Variants in TMEFF2 observed in about 807,000 individuals in gnomAD.
The protein encoded by TMEFF2 is tomoregulin-2.
A neutral mutation model predicts 53.8 loss-of-function variants in TMEFF2; 28 were observed. The observed-to-expected ratio is 0.52, with a 90% confidence interval of 0.39 to 0.71. The LOEUF (loss-of-function observed/expected upper bound fraction) is 0.71. Ranked by LOEUF, TMEFF2 falls within the 30% of genes least tolerant of loss-of-function variation. The pLI is 0.00. For synonymous variants in TMEFF2, 162 were observed against 166.3 expected, an observed-to-expected ratio of 0.97 and a Z score of 0.20; for missense variants, 353 against 455.2, an observed-to-expected ratio of 0.78 and a Z score of 2.04.
intron 9 of TMEFF2, among the ~76,000 whole-genome samples, chr2:191,950,711 G>GTCATGGGCCCATTTTA (rs1223247904): frequency 1.3e-5 from 2 of 152,096 alleles, no homozygotes; most frequent in East Asian, 3.9e-4. Context: ...AATCAAGCAA[G>GTCATGGGCCCATTTTA]TCATGGGCCC....
intron 4 of TMEFF2, among the ~76,000 whole-genome samples, chr2:192,095,510 T>G (rs1224210494): frequency 6.6e-6 from 1 of 151,992 alleles, no homozygotes; most frequent in Non-Finnish European, 1.5e-5. Flanking sequence ...TATACAGTTA[T>G]GAGAAAACAC....
intron 4 of TMEFF2, among the ~76,000 whole-genome samples, chr2:192,077,701 TATTTAA>T (rs1250503174): frequency 6.6e-6 from 1 of 152,088 alleles, no homozygotes; most frequent in African/African-American, 2.4e-5. Flanking sequence ...GTATCATGGA[TATTTAA>T]ATTTATGTTT....
chr2:192,158,611 G>C (rs1228744556), intron 4 of TMEFF2, among the ~76,000 whole-genome samples: 1 of 151,924 alleles, frequency 6.6e-6, no homozygotes, highest in Non-Finnish European at 1.5e-5. Context: ...CTATGTTTTT[G>C]TCTCCACTCT....
At chr2:192,117,693 G>A (rs1175161490) in intron 4 of TMEFF2, among the ~76,000 whole-genome samples, 1 of 151,934 alleles carries the variant, frequency 6.6e-6, no homozygotes, top group African/African-American at 2.4e-5. Context: ...CATGGCAGAT[G>A]AAAGGACCTC....
intron 4 of TMEFF2, among the ~76,000 whole-genome samples, chr2:192,176,279 T>G (rs1691041237): frequency 6.6e-6 from 1 of 151,376 alleles, no homozygotes; most frequent in Non-Finnish European, 1.5e-5. Context: ...CAGGTGTGAA[T>G]CTATCCAACA....
At chr2:192,003,217 C>T (rs960280664) in intron 5 of TMEFF2, among the ~76,000 whole-genome samples, 1 of 152,160 alleles carries the variant, frequency 6.6e-6, no homozygotes, top group South Asian at 2.1e-4. Flanking sequence ...CTAAAAGTTA[C>T]TATTACTATG....
intron 4 of TMEFF2, among the ~76,000 whole-genome samples, chr2:192,136,123 CT>C (rs1312729195): frequency 1.3e-5 from 2 of 152,090 alleles, no homozygotes; most frequent in Non-Finnish European, 2.9e-5. Flanking sequence ...AGTATTTTTC[CT>C]TTTTTTCAAA....
chr2:192,081,833 G>A (rs1176846646), intron 4 of TMEFF2, among the ~76,000 whole-genome samples: 1 of 131,564 alleles, frequency 7.6e-6, no homozygotes, highest in Non-Finnish European at 1.5e-5. Context: ...ATGGAGTCTC[G>A]CTCTGTCACC....
intron 5 of TMEFF2, among the ~76,000 whole-genome samples, chr2:192,020,900 T>A (rs1294796649): frequency 6.6e-6 from 1 of 152,184 alleles, no homozygotes; most frequent in Non-Finnish European, 1.5e-5. Flanking sequence ...CATATTGAAT[T>A]GTATGCTAAT....
At chr2:191,988,128 A>G (rs1686022342) in intron 7 of TMEFF2, among the ~76,000 whole-genome samples, 3 of 152,210 alleles carry the variant, frequency 2.0e-5, no homozygotes, top group African/African-American at 7.2e-5. Context: ...ACACATAAGC[A>G]TTAATAGTTG....
chr2:192,194,252 G>T lies in TMEFF2; in HGVS notation c.172+101C>A. The stretch of plus-strand genomic sequence containing the variant: ...GTATTAGGGGTCTAGGGCAGTAGGA[G>T]GTGAGGGGCTGAGGAGGCGCGCTAG... On this transcript the variant is annotated intron_variant, in intron 1 of 9. Transcript: ENST00000272771. This position sits in a 1 kb window ranked among gnomAD's most constrained non-coding sequence, Gnocchi z 4.2. 7.2e-7 allele frequency: 1 copy of T among 1,393,392 alleles called. No individual in the cohort carries two copies. The highest frequency in any genetic ancestry group is 1.0e-6 in the Non-Finnish European group (1 of 1,000,360). 86.3% of individuals were successfully genotyped at this position (1,393,392 alleles called of 1,614,324 possible).
At chr2:192,033,479 C>T (rs1172882875) in intron 5 of TMEFF2, among the ~76,000 whole-genome samples, 3 of 150,878 alleles carry the variant, frequency 2.0e-5, no homozygotes, top group Non-Finnish European at 4.4e-5. Context: ...AGCAGCTCAG[C>T]TCTTAATTAG....
chr2:192,165,356 A>G (rs1337153173), intron 4 of TMEFF2, among the ~76,000 whole-genome samples: 7 of 152,176 alleles, frequency 4.6e-5, no homozygotes, highest in Non-Finnish European at 1.0e-4. Context: ...TCACCCAGAA[A>G]TGGAGGTGAT....
At chr2:192,141,459 GAAA>G (rs397987092) in intron 4 of TMEFF2, among the ~76,000 whole-genome samples, 4 of 107,228 alleles carry the variant, frequency 3.7e-5, no homozygotes, top group Non-Finnish European at 7.2e-5. Context: ...TCTCAAAAAA[GAAA>G]AAAAAAAAAA....
At chr2:192,046,602 T>G (rs1190085110) in intron 5 of TMEFF2, among the ~76,000 whole-genome samples, 1 of 152,178 alleles carries the variant, frequency 6.6e-6, no homozygotes, top group Non-Finnish European at 1.5e-5. Flanking sequence ...GAAAATTTTT[T>G]GCTTCCTATT....
At chr2:191,964,402 T>TTCTC (rs1443188705) in intron 7 of TMEFF2, among the ~76,000 whole-genome samples, 27 of 99,312 alleles carry the variant, frequency 2.7e-4, no homozygotes, top group African/African-American at 1.2e-3. Context: ...TTCTTTCTCT[T>TTCTC]TCTTTCTTTC....
At chr2:192,135,888 C>T (rs1689993249) in intron 4 of TMEFF2, among the ~76,000 whole-genome samples, 1 of 151,496 alleles carries the variant, frequency 6.6e-6, no homozygotes, top group Non-Finnish European at 1.5e-5. Flanking sequence ...CTCAGAAGCT[C>T]CCCCACTGAG....
chr2:192,110,394 A>G (rs775487657), intron 4 of TMEFF2, among the ~76,000 whole-genome samples: 8 of 152,046 alleles, frequency 5.3e-5, no homozygotes, highest in Non-Finnish European at 1.0e-4. Flanking sequence ...AAACAAGAGA[A>G]GATAAGAGTG....
At chr2:192,033,520 A>AT (rs11396104) in intron 5 of TMEFF2, among the ~76,000 whole-genome samples, 102,938 of 135,602 alleles carry the variant, frequency 0.76, 41,112 homozygotes, top group Non-Finnish European at 0.88. Context: ...ACCAGTTTGG[A>AT]TTTTTTTTTT....
Sources: gnomAD v4.1 joint callset for allele counts (sites outside exome capture counted in the v4.1 genomes callset) on GRCh38, gnomAD v4.1.1 for gene constraint, Gnocchi (gnomAD v3.1) non-coding constraint, MANE v1.5 for transcripts, NCBI Gene and HGNC (gene_info 2026-07-23, HGNC 2026-07-21) for gene names.